Variants in CPNE4 observed in about 807,000 individuals in gnomAD.
CPNE4 encodes the protein copine-4.
Under a neutral mutation model 67.9 loss-of-function variants are expected in CPNE4, and 25 were observed. That is an observed-to-expected ratio of 0.37 (90% CI 0.27 to 0.51). CPNE4 has a LOEUF of 0.51. Among genes scored for constraint, CPNE4 ranks in the 20% least tolerant of loss-of-function variants. The pLI is 0.93. For missense variants in CPNE4, 464 were observed against 690.8 expected (o/e 0.67, Z 3.68); for synonymous variants, 242 against 244.9 (o/e 0.99, Z 0.11).
At chr3:131,780,527 T>A (rs1038672166) in intron 2 of CPNE4, among the ~76,000 whole-genome samples, 2 of 152,040 alleles carry the variant, frequency 1.3e-5, no homozygotes, top group Non-Finnish European at 2.9e-5. Flanking sequence ...GCCTTTGCAG[T>A]AACATGGATG....
Position 131,587,520 on chromosome 3 carries a change from T to G in CPNE4, c.744A>C (p.Thr248=). 2 of 1,613,852 alleles carry G rather than the reference T, an allele frequency of 1.2e-6. No individual in the cohort carries two copies. The highest frequency in any genetic ancestry group is 1.1e-5 in the South Asian group (1 of 91,076). Residue 248 remains threonine (T), a synonymous_variant, in exon 8 of 16, where the codon ACA becomes ACC. Coordinates refer to ENST00000429747, the MANE Select transcript of CPNE4 (RefSeq NM_130808.3). The part of the protein sequence containing the change: ...KHDFIGEFTS[T]FKEMRGAMEG... ...CCATTGCTCCTCTCATCTCCTTGAATGTCGAGGTGAATTCTCCAATGAAGT... is the reference window on the plus strand; with the variant it reads ...CCATTGCTCCTCTCATCTCCTTGAAGGTCGAGGTGAATTCTCCAATGAAGT...
intron 2 of CPNE4, among the ~76,000 whole-genome samples, chr3:131,791,916 T>C (rs756779753): frequency 1.3e-5 from 2 of 152,170 alleles, no homozygotes; most frequent in Non-Finnish European, 2.9e-5. Context: ...TTATTAAGTC[T>C]GGCATTAAGG....
intron 1 of CPNE4, among the ~76,000 whole-genome samples, chr3:131,939,043 T>C (rs2071308070): frequency 6.6e-6 from 1 of 152,148 alleles, no homozygotes; most frequent in Admixed American, 6.6e-5. Context: ...GAAATGCAAA[T>C]TAGTATAAGG....
intron 8 of CPNE4, among the ~76,000 whole-genome samples, chr3:131,586,722 CTCTATCTGTCTGTCTGTCTGTCTG>C (rs1286812674): frequency 2.7e-5 from 4 of 148,384 alleles, no homozygotes; most frequent in South Asian, 2.1e-4. Context: ...GACTTTCTAT[CTCTATCTGTCTGTCTGTCTGTCTG>C]TCTGTCTGTC....
intron 10 of CPNE4, among the ~76,000 whole-genome samples, chr3:131,567,674 T>C (rs1305990697): frequency 2.0e-5 from 3 of 151,930 alleles, no homozygotes; most frequent in Non-Finnish European, 4.4e-5. Context: ...GCAAAGATGA[T>C]GGTGAGAAGG....
intron 11 of CPNE4, among the ~76,000 whole-genome samples, chr3:131,560,131 A>G (rs1029910601): frequency 6.6e-6 from 1 of 152,008 alleles, no homozygotes; most frequent in African/African-American, 2.4e-5. Context: ...AAAGATAATC[A>G]CCTCTGACAT....
At chr3:131,940,449 C>T (rs2071353043) in intron 1 of CPNE4, among the ~76,000 whole-genome samples, 1 of 151,896 alleles carries the variant, frequency 6.6e-6, no homozygotes, top group South Asian at 2.1e-4. Context: ...GCATGTCTTA[C>T]CTTTCATGTA....
intron 7 of CPNE4, among the ~76,000 whole-genome samples, chr3:131,644,016 A>G (rs1384727348): frequency 6.6e-6 from 1 of 152,158 alleles, no homozygotes; most frequent in Admixed American, 6.5e-5. Context: ...TGCCCATTTA[A>G]TAGCCTTTTG....
At chr3:131,934,327 TAAG>T (rs2071156477) in intron 1 of CPNE4, among the ~76,000 whole-genome samples, 1 of 152,058 alleles carries the variant, frequency 6.6e-6, no homozygotes, top group African/African-American at 2.4e-5. Flanking sequence ...GAATGAGAGA[TAAG>T]AAAGTAGAAG....
At chr3:131,569,611 C>A (rs1226959553) in intron 10 of CPNE4, among the ~76,000 whole-genome samples, 1 of 149,192 alleles carries the variant, frequency 6.7e-6, no homozygotes, top group Non-Finnish European at 1.5e-5. Flanking sequence ...GCACTGCACT[C>A]CGGGAAACAG....
chr3:131,768,020 G>A (rs757533165), intron 2 of CPNE4, among the ~76,000 whole-genome samples: 14 of 152,068 alleles, frequency 9.2e-5, no homozygotes, highest in Admixed American at 2.0e-4. Flanking sequence ...TGCAGCCACT[G>A]ACTAGTATAT....
At chr3:131,742,456 C>G (rs2082381109) in intron 2 of CPNE4, among the ~76,000 whole-genome samples, 1 of 152,132 alleles carries the variant, frequency 6.6e-6, no homozygotes, top group Non-Finnish European at 1.5e-5. Flanking sequence ...TCCATAGTTG[C>G]ACGGGCCAAT....
chr3:131,695,674 C>A (rs2081137667), intron 5 of CPNE4, among the ~76,000 whole-genome samples: 1 of 152,224 alleles, frequency 6.6e-6, no homozygotes, highest in South Asian at 2.1e-4. Flanking sequence ...AGCTTGCTCC[C>A]AACTGACATC....
Position 131,843,738 on chromosome 3 carries a change from G to A in CPNE4, c.180+61526C>T, listed in dbSNP as rs146577236. ...ATCTCCCTTGCAGGGTTCCTATGAG[G>A]ATGAAATGATACTCCATATATCAAG... On this transcript the variant is annotated intron_variant, in intron 2 of 15. Transcript: ENST00000429747. Among the ~76,000 whole-genome samples, 716 of 152,258 alleles carry A rather than the reference G, an allele frequency of 4.7e-3. 8 individuals are homozygous for A. The highest frequency in any genetic ancestry group is 5.8e-3 in the Non-Finnish European group (393 of 68,026).
intron 6 of CPNE4, among the ~76,000 whole-genome samples, chr3:131,674,320 T>C (rs1419289974): frequency 1.3e-5 from 2 of 152,090 alleles, no homozygotes; most frequent in Non-Finnish European, 2.9e-5. Context: ...AGGGCAATAC[T>C]AGCCTCATAG....
At chr3:131,660,935 T>C (rs1383617687) in intron 7 of CPNE4, among the ~76,000 whole-genome samples, 1 of 152,156 alleles carries the variant, frequency 6.6e-6, no homozygotes. Flanking sequence ...CCTCTTCATA[T>C]TTTTTCCCCT....
rs1182487404 is a variant in CPNE4 at position 131,534,247 on chromosome 3, G to A, written c.*948C>T. 1 of 152,226 alleles carries A rather than the reference G, an allele frequency of 6.6e-6. No individual in the cohort carries two copies. The highest frequency in any genetic ancestry group is 2.1e-4 in the South Asian group (1 of 4,824). The allele number at this position is 152,226 out of a possible 1,614,324, so 9.4% of individuals were successfully genotyped here. ...AGTCTTATCTAAGGAAGAGGTGTGA[G>A]TATAAAGCAGCGAGACTGATTTGAG... is the stretch of plus-strand genomic sequence containing the variant. On this transcript the variant is annotated 3_prime_UTR_variant, in exon 16 of 16. Transcript: ENST00000429747.
chr3:131,914,528 A>G (rs2089110221), intron 1 of CPNE4, among the ~76,000 whole-genome samples: 1 of 151,982 alleles, frequency 6.6e-6, no homozygotes, highest in African/African-American at 2.4e-5. Flanking sequence ...TCCTCTCAGG[A>G]CTTTAATCAT....
intron 2 of CPNE4, among the ~76,000 whole-genome samples, chr3:131,822,614 G>T (rs540096546): frequency 6.6e-6 from 1 of 152,256 alleles, no homozygotes; most frequent in African/African-American, 2.4e-5. Flanking sequence ...CAAATGCCCA[G>T]ACACAATTTT....
Sources: allele counts gnomAD v4.1 joint callset (sites outside exome capture counted in the v4.1 genomes callset), GRCh38; gene constraint gnomAD v4.1.1; transcripts MANE v1.5; gene names NCBI Gene and HGNC (gene_info 2026-07-23, HGNC 2026-07-21).